The following SEC16B variants were observed in gnomAD, a reference collection of about 807,000 sequenced individuals.
The protein encoded by SEC16B is protein transport protein Sec16B.
A neutral mutation model predicts 141.8 loss-of-function variants in SEC16B; 115 were observed. That is an observed-to-expected ratio of 0.81 (90% CI 0.70 to 0.95). The LOEUF (loss-of-function observed/expected upper bound fraction) is 0.95, where lower values mean the gene tolerates loss of function less well. Among genes scored for constraint, SEC16B ranks in the 40% least tolerant of loss-of-function variants. The probability of loss-of-function intolerance (pLI) is 0.00; values close to 1 mark genes in which losing one functional copy is unlikely to be tolerated. For synonymous variants in SEC16B, 493 were observed against 492.5 expected, an observed-to-expected ratio of 1.00 and a Z score of -0.01; for missense variants, 1,291 against 1,312.3, an observed-to-expected ratio of 0.98 and a Z score of 0.25.
At chr1:177,952,067 G>A in intron 11 of SEC16B, 72 bp from the exon 12 acceptor site, 3 of 1,271,028 alleles carry the variant, frequency 2.4e-6, no homozygotes, top group Non-Finnish European at 3.4e-6. Flanking sequence ...CAAGGCTCAG[G>A]GCCTTGCATA....
intron 11 of SEC16B, 72 bp downstream of exon 11, chr1:177,954,207 C>T (rs1652418552): frequency 8.8e-7 from 1 of 1,139,388 alleles, no homozygotes; most frequent in Non-Finnish European, 1.3e-6. Context: ...CATTTCTCCA[C>T]ACCCTCATCC....
In SEC16B at chr1:177,958,328, A is replaced by T; in HGVS notation, c.1169T>A (p.Met390Lys). 1 of 1,606,438 alleles carries T rather than the reference A, an allele frequency of 6.2e-7. No homozygotes were observed. The highest frequency in any genetic ancestry group is 8.5e-7 in the Non-Finnish European group (1 of 1,176,396). ...MVGSDIAELL[M>K]QDCKKLEKYK... is the part of the protein sequence containing the mutation. ...CTTCTCCAGCTTCTTGCAGTCTTGCATTAGCAGCTCAGCGATGTCAGACCC... is the reference window on the plus strand; with the variant it reads ...CTTCTCCAGCTTCTTGCAGTCTTGCTTTAGCAGCTCAGCGATGTCAGACCC... Residue 390 changes from methionine to lysine, a missense_variant, in exon 10 of 26, where the codon ATG becomes AAG. Around this residue, in one of 3 missense-constraint regions of SEC16B, gnomAD observed 681 missense variants for 675.5 expected, o/e 1.01. Coordinates refer to ENST00000308284, the MANE Select transcript of SEC16B (RefSeq NM_033127.4).
chr1:177,963,359 C>G (rs921699519), intron 5 of SEC16B, among the ~76,000 whole-genome samples: 1 of 151,686 alleles, frequency 6.6e-6, no homozygotes, highest in Non-Finnish European at 1.5e-5. Flanking sequence ...AATCCCAGCA[C>G]TTTGGGAGGC....
intron 5 of SEC16B, among the ~76,000 whole-genome samples, chr1:177,962,361 T>C (rs924636334): frequency 2.0e-5 from 3 of 150,332 alleles, no homozygotes; most frequent in African/African-American, 7.3e-5. Context: ...TGAGCCACCA[T>C]GCCTGGCCCT....
Position 177,937,437 on chromosome 1 carries a change from C to A in SEC16B, c.2280G>T (p.Leu760=). 6.2e-7 allele frequency: 1 copy of A among 1,607,106 alleles called. No homozygotes were observed. Among genetic ancestry groups the A allele is most frequent in the Admixed American group, 1.7e-5 (1 of 58,982 alleles). ...EAPGYRSALW[L]TPEQTCLLQP... ...GGAGCAGGCAGGTCTGCTCAGGTGT[C>A]AGCCACAGAGCTGAGCGGTACCCAG... Residue 760 remains leucine (L), a synonymous_variant, in exon 19 of 26, where the codon CTG becomes CTT. Coordinates refer to ENST00000308284, the MANE Select transcript of SEC16B (RefSeq NM_033127.4).
At chr1:177,950,271 G>A (rs115831315) in intron 12 of SEC16B, among the ~76,000 whole-genome samples, 3 of 152,106 alleles carry the variant, frequency 2.0e-5, no homozygotes, top group Non-Finnish European at 1.5e-5. Flanking sequence ...TTGGACAGAC[G>A]TGCCTCCATG....
intron 14 of SEC16B, chr1:177,945,205 C>G: frequency 6.6e-6 from 1 of 152,660 alleles, no homozygotes; most frequent in Non-Finnish European, 1.5e-5. Flanking sequence ...GTTCATTCCA[C>G]CAGTGAGGAT....
chr1:177,940,796 G>A (rs1201242269), intron 16 of SEC16B, 82 bp from the exon 17 acceptor site: 5 of 866,514 alleles, frequency 5.8e-6, no homozygotes, highest in Non-Finnish European at 9.0e-6. Flanking sequence ...AAAGACAACG[G>A]GGAAGAGAAA....
intron 12 of SEC16B, among the ~76,000 whole-genome samples, chr1:177,949,549 C>A (rs1258738805): frequency 1.3e-5 from 2 of 148,364 alleles, no homozygotes; most frequent in African/African-American, 4.9e-5. Context: ...AGAGAGAAAG[C>A]ACCAACATTT....
intron 6 of SEC16B, 108 bp from the exon 7 acceptor site, chr1:177,961,047 A>G: frequency 8.0e-7 from 1 of 1,252,906 alleles, no homozygotes; most frequent in Non-Finnish European, 1.1e-6. Flanking sequence ...TGCCTGAACC[A>G]AAATAAGATT....
At chr1:177,948,433 A>C in intron 12 of SEC16B, 1 of 1,304,266 alleles carries the variant, frequency 7.7e-7, no homozygotes, top group Admixed American at 2.3e-5. Flanking sequence ...ATTCACACAC[A>C]TCCTCTTAAT....
At chr1:177,961,009 T>C in intron 6 of SEC16B, 70 bp from the exon 7 acceptor site, 2 of 1,545,666 alleles carry the variant, frequency 1.3e-6, no homozygotes, top group Middle Eastern at 1.7e-4. Context: ...TTTAGGAATA[T>C]GCCACAGATG....
chr1:177,981,994 A>G (rs555216914), intron 1 of SEC16B, among the ~76,000 whole-genome samples: 51 of 152,342 alleles, frequency 3.3e-4, no homozygotes, highest in South Asian at 8.3e-4. Flanking sequence ...AAATAAGAAA[A>G]TAATAGTTTA....
Position 177,980,277 on chromosome 1 carries a change from C to T in SEC16B, c.-59+3929G>A, listed in dbSNP as rs117154065. On this transcript the variant is annotated intron_variant and NMD_transcript_variant, in intron 1 of 24. Coordinates refer to the SEC16B transcript ENST00000528461. Reference sequence around the variant, plus strand: ...AATCCAACTGTGGTATAATTTCACCCCTGGGAGAATTTTTTTTAATTATCT... The same window carrying T: ...AATCCAACTGTGGTATAATTTCACCTCTGGGAGAATTTTTTTTAATTATCT... Among the ~76,000 whole-genome samples, 140 of 152,132 alleles carry T rather than the reference C, an allele frequency of 9.2e-4. 1 individual carries two copies. In the East Asian group the frequency reaches 0.013, roughly 14 times the overall value.
intron 20 of SEC16B, among the ~76,000 whole-genome samples, chr1:177,935,196 G>A (rs565328430): frequency 1.3e-5 from 2 of 152,102 alleles, no homozygotes; most frequent in Admixed American, 6.5e-5. Context: ...TGCCTGGCGC[G>A]TATAGTTGTC....
intron 1 of SEC16B, among the ~76,000 whole-genome samples, chr1:177,976,539 A>G (rs1252250988): frequency 6.6e-6 from 1 of 152,174 alleles, no homozygotes; most frequent in African/African-American, 2.4e-5. Flanking sequence ...TCCCAGTCCT[A>G]CTATGCTGGT....
chr1:177,955,331 C>CA (rs1329545297), intron 10 of SEC16B, among the ~76,000 whole-genome samples: 2 of 151,442 alleles, frequency 1.3e-5, no homozygotes, highest in East Asian at 3.9e-4. Context: ...CCCATATCTA[C>CA]AAAAAAAATT....
intron 18 of SEC16B, among the ~76,000 whole-genome samples, chr1:177,938,893 G>A (rs147808388): frequency 1.3e-5 from 2 of 152,336 alleles, no homozygotes; most frequent in East Asian, 3.9e-4. Context: ...AAACTAAGGT[G>A]TGGACCTATA....
chr1:177,962,280 C>T (rs1437563333), intron 5 of SEC16B, among the ~76,000 whole-genome samples: 1 of 151,920 alleles, frequency 6.6e-6, no homozygotes, highest in African/African-American at 2.4e-5. Context: ...CCATGTTGGC[C>T]AGGATGGTCT....
Sources: allele counts gnomAD v4.1 joint callset (sites outside exome capture counted in the v4.1 genomes callset), GRCh38; gene constraint gnomAD v4.1.1; regional missense constraint gnomAD v4.1.1; transcripts MANE v1.5; gene names NCBI Gene and HGNC (gene_info 2026-07-23, HGNC 2026-07-21).